The following CDK15 variants were observed in gnomAD, a reference collection of about 807,000 sequenced individuals.
CDK15 encodes cyclin-dependent kinase 15.
CDK15 carries 62 observed loss-of-function variants against 60.3 expected under a neutral mutation model. The observed-to-expected ratio is 1.03, with a 90% confidence interval of 0.84 to 1.27. The LOEUF is 1.27. CDK15 is among the 50% of genes most tolerant of loss of function. CDK15 has a pLI of 0.00. For missense variants in CDK15, 541 were observed against 527.8 expected, an observed-to-expected ratio of 1.03 and a Z score of -0.25; for synonymous variants, 194 against 195.7, an observed-to-expected ratio of 0.99 and a Z score of 0.07.
rs764065301 is a variant in CDK15, at chr2:201,806,679, G to A, written c.15G>A (p.Leu5=). The stretch of plus-strand genomic sequence containing the variant: ...CCTACAAGATTATGGGTCAAGAGCT[G>A]TGTGCAAAGACTGTACAGCCTGGAT... MGQE[L]CAKTVQPGCS... is the part of the protein sequence containing the mutation. The change falls in exon 1 of 14, where the codon CTG becomes CTA. Residue 5 remains leucine, a synonymous_variant. Coordinates refer to ENST00000652192, the MANE Select transcript of CDK15 (RefSeq NM_001366386.2). 6 of 1,595,416 alleles carry A rather than the reference G, an allele frequency of 3.8e-6. No homozygotes were observed. Among genetic ancestry groups the A allele is most frequent in the South Asian group, 2.2e-5 (2 of 90,344 alleles).
rs1695522004 is a variant in CDK15 at position 201,806,657 on chromosome 2, A to G, written c.-8A>G. ...AAGTGCGGGTTTTCTCCTTGAACCT[A>G]CAAGATTATGGGTCAAGAGCTGTGT... On this transcript the variant is annotated 5_prime_UTR_variant, in exon 1 of 14. Transcript: ENST00000652192. 6.3e-7 allele frequency: 1 copy of G among 1,584,138 alleles called. No homozygotes were observed. Among genetic ancestry groups the G allele is most frequent in the South Asian group, 1.1e-5 (1 of 89,104 alleles).
chr2:201,819,193 A>G (rs1696117384), intron 4 of CDK15, among the ~76,000 whole-genome samples: 1 of 152,160 alleles, frequency 6.6e-6, no homozygotes, highest in Admixed American at 6.6e-5. Flanking sequence ...TATCTCACCT[A>G]GAATGGTCAA....
intron 12 of CDK15, chr2:201,888,423 T>C (rs1559153186): frequency 3.3e-6 from 5 of 1,529,890 alleles, no homozygotes; most frequent in Non-Finnish European, 4.4e-6. Flanking sequence ...TCTCAAAAAA[T>C]TTTTAAACAC....
intron 6 of CDK15, among the ~76,000 whole-genome samples, chr2:201,833,226 C>A (rs1010186077): frequency 6.7e-6 from 1 of 149,806 alleles, no homozygotes; most frequent in Non-Finnish European, 1.5e-5. Context: ...GGGGGTCTAA[C>A]TTATTTTGGT....
rs750249147 is a variant in CDK15, at chr2:201,806,771, C to T, written c.107C>T (p.Thr36Met). ...TGTCGGAGGAGTCAGCCTGAGACCA[C>T]GGAGGCTGCGTTCAAGGTATTTGTA... ...HSCRRSQPET[T>M]EAAFKLTDLK... is the part of the protein sequence containing the mutation. Residue 36 changes from threonine to methionine, a missense_variant, in exon 1 of 14, where the codon ACG (threonine) becomes ATG (methionine). Coordinates refer to ENST00000652192, the MANE Select transcript of CDK15 (RefSeq NM_001366386.2). 3.8e-6 allele frequency: 6 copies of T among 1,598,340 alleles called. No homozygotes were observed. Among genetic ancestry groups the T allele is most frequent in the South Asian group, 1.1e-5 (1 of 91,044 alleles).
chr2:201,846,168 CAT>C (rs1317588879), intron 8 of CDK15, among the ~76,000 whole-genome samples: 2 of 152,062 alleles, frequency 1.3e-5, no homozygotes, highest in Non-Finnish European at 2.9e-5. Context: ...TAGAATTGCA[CAT>C]GTGTGAACAT....
intron 12 of CDK15, among the ~76,000 whole-genome samples, chr2:201,887,859 C>G (rs981787518): frequency 6.6e-6 from 1 of 152,080 alleles, no homozygotes; most frequent in African/African-American, 2.4e-5. Context: ...TATGAATTCT[C>G]TATACATACA....
intron 11 of CDK15, among the ~76,000 whole-genome samples, chr2:201,873,488 G>A (rs545946978): frequency 4.3e-4 from 66 of 152,114 alleles, no homozygotes; most frequent in Non-Finnish European, 1.8e-4. Context: ...AAAGTAAATG[G>A]CAACTCTCAA....
Position 201,822,915 on chromosome 2 carries a change from G to C in CDK15, c.543+12G>C. On this transcript the variant is annotated intron_variant, in intron 5 of 13. Transcript: ENST00000652192. ...TTTTTGAATACATGGTGAGTTGTTCGAGCATTTTACAACACTTGAGAAAAA... is the reference window on the plus strand; with the variant it reads ...TTTTTGAATACATGGTGAGTTGTTCCAGCATTTTACAACACTTGAGAAAAA... The C allele has an allele frequency of 3.9e-6, 6 of 1,533,152 alleles. No homozygotes were observed. Among genetic ancestry groups the C allele is most frequent in the East Asian group, 2.2e-5 (1 of 44,466 alleles). The allele number at this position is 1,533,152 out of a possible 1,614,324, so 95.0% of individuals were successfully genotyped here.
chr2:201,834,211 G>A (rs1696907057), intron 7 of CDK15, among the ~76,000 whole-genome samples: 1 of 152,104 alleles, frequency 6.6e-6, no homozygotes, highest in Admixed American at 6.5e-5. Context: ...CACCCTTGCT[G>A]CCCCACTGCC....
At chr2:201,840,006 A>G (rs1045568976) in intron 8 of CDK15, among the ~76,000 whole-genome samples, 15 of 148,062 alleles carry the variant, frequency 1.0e-4, no homozygotes, top group African/African-American at 3.6e-4. Flanking sequence ...TTTTTTTGAG[A>G]CAGAGTCTCA....
intron 4 of CDK15, among the ~76,000 whole-genome samples, chr2:201,814,086 T>C (rs1350235006): frequency 1.3e-5 from 2 of 152,234 alleles, no homozygotes; most frequent in Non-Finnish European, 2.9e-5. Flanking sequence ...AGCTTGAGTT[T>C]GCCAATTGCT....
intron 4 of CDK15, among the ~76,000 whole-genome samples, chr2:201,817,123 C>T (rs1696030056): frequency 6.6e-6 from 1 of 152,214 alleles, no homozygotes; most frequent in Non-Finnish European, 1.5e-5. Context: ...GAATTCTTTC[C>T]TGGGTGAAGC....
At position 201,847,812 on chromosome 2, in the gene CDK15, C is replaced by T. The variant is rs1042554265; in HGVS notation, c.945+338C>T. On this transcript the variant is annotated intron_variant, in intron 9 of 13. Coordinates refer to ENST00000652192, the MANE Select transcript of CDK15 (RefSeq NM_001366386.2). ...TTGCTACCTCCAGTTCTAATGCTAC[C>T]ATATATTTGGCCCTGGATCTTTGTC... Among the ~76,000 whole-genome samples, 4 of 152,134 alleles carry T rather than the reference C, an allele frequency of 2.6e-5. No individual in the cohort carries two copies. The East Asian group carries it at 5.8e-4, about 22-fold the overall frequency.
At chr2:201,861,680 C>A in intron 10 of CDK15, 1 of 279,644 alleles carries the variant, frequency 3.6e-6, no homozygotes, top group Non-Finnish European at 5.4e-6. Context: ...CCTGCTTCAG[C>A]CTCCCGAGTA....
intron 6 of CDK15, among the ~76,000 whole-genome samples, chr2:201,832,482 T>C (rs1271280765): frequency 1.3e-5 from 2 of 152,218 alleles, no homozygotes; most frequent in Non-Finnish European, 1.5e-5. Flanking sequence ...AGTGTAGGAA[T>C]TTTGTGCTAT....
chr2:201,840,235 A>G (rs1697317759), intron 8 of CDK15, among the ~76,000 whole-genome samples: 1 of 152,100 alleles, frequency 6.6e-6, no homozygotes, highest in Non-Finnish European at 1.5e-5. Flanking sequence ...TCAGCCTCCC[A>G]AAGTGTTGGG....
At chr2:201,874,257 A>G (rs1698989088) in intron 11 of CDK15, among the ~76,000 whole-genome samples, 4 of 152,200 alleles carry the variant, frequency 2.6e-5, no homozygotes, top group African/African-American at 4.8e-5. Context: ...TGACTATGAT[A>G]TTGGACAGAG....
intron 8 of CDK15, among the ~76,000 whole-genome samples, chr2:201,839,697 G>T (rs1574885266): frequency 6.8e-6 from 1 of 146,210 alleles, no homozygotes; most frequent in Non-Finnish European, 1.5e-5. Flanking sequence ...CAGATAGATA[G>T]ATAAAATAAC....
Sources: allele counts gnomAD v4.1 joint callset (sites outside exome capture counted in the v4.1 genomes callset), GRCh38; gene constraint gnomAD v4.1.1; transcripts MANE v1.5; gene names NCBI Gene and HGNC (gene_info 2026-07-23, HGNC 2026-07-21).